The following LRP1B variants were observed in gnomAD, a reference collection of about 807,000 sequenced individuals.
LRP1B encodes the protein LDL receptor related protein 1B.
Under a neutral mutation model 556.6 loss-of-function variants are expected in LRP1B, and 217 were observed. The ratio of observed to expected loss-of-function variants is 0.39; its 90% CI spans 0.35 to 0.44. The LOEUF is 0.44. Ranked by LOEUF, LRP1B falls within the 20% of genes least tolerant of loss-of-function variation. LRP1B has a pLI of 1.00. For synonymous variants in LRP1B, 2,047 were observed against 1,865.8 expected, an observed-to-expected ratio of 1.10 and a Z score of -2.50; for missense variants, 5,053 against 5,620.8, an observed-to-expected ratio of 0.90 and a Z score of 3.23.
chr2:140,898,972 G>T, intron 23 of LRP1B: 1 of 384,006 alleles, frequency 2.6e-6, no homozygotes, highest in South Asian at 2.1e-5. Context: ...TCACCTGGAA[G>T]AGAACTGTCT....
chr2:141,660,335 A>C (rs867522428), intron 2 of LRP1B, among the ~76,000 whole-genome samples: 32 of 152,074 alleles, frequency 2.1e-4, no homozygotes, highest in African/African-American at 7.0e-4. Flanking sequence ...AGATCTCCTC[A>C]TGAGCCCATG....
chr2:141,223,955 C>G (rs527537855), intron 6 of LRP1B, among the ~76,000 whole-genome samples: 2 of 152,224 alleles, frequency 1.3e-5, no homozygotes, highest in East Asian at 3.9e-4. Flanking sequence ...GATAATACCA[C>G]TCAGGACATA....
chr2:140,585,086 G>T (rs1040100702), intron 43 of LRP1B, among the ~76,000 whole-genome samples: 25 of 152,102 alleles, frequency 1.6e-4, no homozygotes, highest in African/African-American at 5.8e-4. Context: ...CTACAAAAGA[G>T]GAAATGAGGC....
At chr2:141,397,140 G>A (rs1384760541) in intron 3 of LRP1B, among the ~76,000 whole-genome samples, 9 of 38,520 alleles carry the variant, frequency 2.3e-4, no homozygotes, top group African/African-American at 8.1e-4. Context: ...AAAAAAGGAT[G>A]TGGTTTCTAC....
At chr2:141,510,338 C>A (rs151144507) in intron 2 of LRP1B, among the ~76,000 whole-genome samples, 2 of 151,726 alleles carry the variant, frequency 1.3e-5, no homozygotes, top group Admixed American at 6.6e-5. Flanking sequence ...TTCCTAAAAC[C>A]CTTTTTTACA....
At chr2:142,024,885 AT>A (rs1294848619) in intron 1 of LRP1B, among the ~76,000 whole-genome samples, 1 of 152,078 alleles carries the variant, frequency 6.6e-6, no homozygotes, top group Non-Finnish European at 1.5e-5. Context: ...TTCAAAAACT[AT>A]TTTTTGAGCA....
At chr2:141,557,163 G>A (rs1277477019) in intron 2 of LRP1B, among the ~76,000 whole-genome samples, 3 of 151,698 alleles carry the variant, frequency 2.0e-5, no homozygotes, top group Middle Eastern at 3.2e-3. Flanking sequence ...GTTTTATTCT[G>A]TTCTCAACAA....
At chr2:141,860,099 G>T in intron 1 of LRP1B, among the ~76,000 whole-genome samples, 1 of 152,066 alleles carries the variant, frequency 6.6e-6, no homozygotes, top group East Asian at 1.9e-4. Context: ...ATCTTTTGGG[G>T]CATTACTCAA....
intron 2 of LRP1B, among the ~76,000 whole-genome samples, chr2:141,517,744 C>T (rs1684376940): frequency 6.6e-6 from 1 of 152,120 alleles, no homozygotes; most frequent in South Asian, 2.1e-4. Flanking sequence ...CAAGGAACTA[C>T]CAGGCTTTTA....
chr2:140,353,135 C>T (rs56181620), intron 75 of LRP1B, 63 bp from the exon 76 acceptor site: 37,978 of 1,560,442 alleles, frequency 0.024, 553 homozygotes, highest in Middle Eastern at 0.028. Flanking sequence ...ATTCTTACCA[C>T]GTTTCAAAAA....
At chr2:141,316,637 A>G (rs1177782853) in intron 3 of LRP1B, among the ~76,000 whole-genome samples, 1 of 152,194 alleles carries the variant, frequency 6.6e-6, no homozygotes. Context: ...ATATATGTCA[A>G]AAGAAGTTCT....
rs549194102 is a variant in LRP1B, at chr2:140,978,686, A to C, written c.2887+3474T>G. Among the ~76,000 whole-genome samples the C allele has an allele frequency of 4.6e-5, 7 of 152,312 alleles. No individual in the cohort carries two copies. The East Asian group carries it at 1.3e-3, about 29-fold the overall frequency. Reference sequence around the variant, plus strand: ...CTTTCTTATAATAACTTTAACAGTGAAATTGTGCCTACTAGACTTTGTCAG... The same window carrying C: ...CTTTCTTATAATAACTTTAACAGTGCAATTGTGCCTACTAGACTTTGTCAG... On this transcript the variant is annotated intron_variant, in intron 18 of 90. Coordinates refer to ENST00000389484, the MANE Select transcript of LRP1B (RefSeq NM_018557.3).
chr2:141,498,468 C>T (rs1450456906), intron 2 of LRP1B, among the ~76,000 whole-genome samples: 1 of 151,262 alleles, frequency 6.6e-6, no homozygotes, highest in Non-Finnish European at 1.5e-5. Flanking sequence ...TTTTAGGACA[C>T]TGTCATTTTG....
chr2:141,017,164 T>A (rs979621132), intron 12 of LRP1B, among the ~76,000 whole-genome samples: 1 of 151,656 alleles, frequency 6.6e-6, no homozygotes, highest in Admixed American at 6.6e-5. Flanking sequence ...ATTTTTTAAT[T>A]GGGACAACTT....
intron 11 of LRP1B, among the ~76,000 whole-genome samples, chr2:141,032,276 C>G (rs1179846317): frequency 1.3e-5 from 2 of 152,026 alleles, no homozygotes; most frequent in Non-Finnish European, 2.9e-5. Flanking sequence ...CATGCCTCAT[C>G]TGATGGACTT....
chr2:141,294,793 ATATAT>A (rs927208787), intron 3 of LRP1B, among the ~76,000 whole-genome samples: 1 of 151,776 alleles, frequency 6.6e-6, no homozygotes, highest in African/African-American at 2.4e-5. Flanking sequence ...CAAAATGAAA[ATATAT>A]TATGCTATTT....
intron 84 of LRP1B, among the ~76,000 whole-genome samples, chr2:140,291,257 C>A (rs1003688973): frequency 7.3e-6 from 1 of 137,164 alleles, no homozygotes; most frequent in African/African-American, 2.5e-5. Flanking sequence ...TTCTTGATTT[C>A]TTCTTATCTC....
chr2:141,388,925 G>A (rs1689946625), intron 3 of LRP1B, among the ~76,000 whole-genome samples: 2 of 151,958 alleles, frequency 1.3e-5, no homozygotes, highest in South Asian at 2.1e-4. Flanking sequence ...AAATAACTAG[G>A]AATAAGTTTA....
chr2:141,726,642 T>G (rs1032326016), intron 2 of LRP1B, among the ~76,000 whole-genome samples: 61 of 152,202 alleles, frequency 4.0e-4, no homozygotes, highest in African/African-American at 1.4e-3. Context: ...AATTTGTAAC[T>G]ATCCAGAGAG....
Sources: gnomAD v4.1 joint callset for allele counts (sites outside exome capture counted in the v4.1 genomes callset) on GRCh38, gnomAD v4.1.1 for gene constraint, MANE v1.5 for transcripts, NCBI Gene and HGNC (gene_info 2026-07-23, HGNC 2026-07-21) for gene names.